ERC2: variants seen among roughly 807,000 people sequenced by gnomAD.
ERC2 encodes ELKS/RAB6-interacting/CAST family member 2.
Under a neutral mutation model 114.8 loss-of-function variants are expected in ERC2, and 42 were observed. The observed-to-expected ratio is 0.37, with a 90% confidence interval of 0.29 to 0.47. The LOEUF (loss-of-function observed/expected upper bound fraction) is 0.47, where lower values mean the gene tolerates loss of function less well. ERC2 is among the 20% of genes least tolerant of loss of function. ERC2 has a pLI of 0.99. For missense variants in ERC2, 939 were observed against 1,150.7 expected (o/e 0.82, Z 2.66); for synonymous variants, 454 against 425.5 (o/e 1.07, Z -0.82).
At chr3:56,085,683 T>A (rs2077465823) in intron 6 of ERC2, among the ~76,000 whole-genome samples, 1 of 152,190 alleles carries the variant, frequency 6.6e-6, no homozygotes, top group African/African-American at 2.4e-5. Context: ...TTATATCTGG[T>A]GAAAAAATAT....
At chr3:55,541,465 G>A (rs1238654404) in intron 17 of ERC2, among the ~76,000 whole-genome samples, 1 of 152,136 alleles carries the variant, frequency 6.6e-6, no homozygotes, top group African/African-American at 2.4e-5. Context: ...TGGTGGTAGG[G>A]TTGACTTTCC....
intron 3 of ERC2, among the ~76,000 whole-genome samples, chr3:56,274,378 G>A (rs1028913343): frequency 9.2e-5 from 14 of 152,100 alleles, no homozygotes; most frequent in African/African-American, 3.4e-4. Flanking sequence ...GGGAACTGCT[G>A]GGTTACAGGA....
chr3:55,979,776 C>CA (rs763879098), intron 12 of ERC2, among the ~76,000 whole-genome samples: 1,566 of 123,856 alleles, frequency 0.013, 12 homozygotes, highest in Middle Eastern at 0.017. Context: ...CCCACCTCTG[C>CA]AAAAAAAAAA....
intron 17 of ERC2, among the ~76,000 whole-genome samples, chr3:55,595,760 T>C (rs1559714411): frequency 1.3e-5 from 2 of 152,202 alleles, no homozygotes; most frequent in Non-Finnish European, 2.9e-5. Context: ...GAAGGGCAAC[T>C]AAAGAAACCA....
At chr3:55,537,109 T>C (rs537002487) in intron 17 of ERC2, among the ~76,000 whole-genome samples, 27 of 152,156 alleles carry the variant, frequency 1.8e-4, no homozygotes, top group Non-Finnish European at 2.6e-4. Context: ...CACCTTGGCG[T>C]CCTTTGCCAG....
intron 5 of ERC2, 136 bp downstream of exon 5, chr3:56,148,841 C>T (rs2081277983): frequency 5.3e-6 from 4 of 749,664 alleles, no homozygotes; most frequent in Non-Finnish European, 8.0e-6. Flanking sequence ...AAATCTTCCG[C>T]ATTCTACTTT....
chr3:55,632,829 GAAGA>G (rs1003755386), intron 17 of ERC2, among the ~76,000 whole-genome samples: 13 of 152,338 alleles, frequency 8.5e-5, no homozygotes, highest in African/African-American at 3.1e-4. Context: ...GGAGTGAAGA[GAAGA>G]AAGAAGAAAG....
intron 2 of ERC2, among the ~76,000 whole-genome samples, chr3:56,429,962 C>A (rs2061722626): frequency 6.6e-6 from 1 of 152,108 alleles, no homozygotes; most frequent in Non-Finnish European, 1.5e-5. Flanking sequence ...AACTGATGAG[C>A]AGGAGCCCTC....
rs536876589 is a variant in ERC2, at chr3:56,267,274, T to C, written c.1074+28745A>G. Among the ~76,000 whole-genome samples, 8 of 152,342 alleles carry C rather than the reference T, an allele frequency of 5.3e-5. No homozygotes were observed. In the East Asian group the frequency reaches 1.5e-3, roughly 29 times the overall value. ...GTATACACACACACACAGTGGAATA[T>C]TATTTTGCTTTTAATAAGGAGATCC... On this transcript the variant is annotated intron_variant, in intron 3 of 17. Coordinates refer to ENST00000288221, the MANE Select transcript of ERC2 (RefSeq NM_015576.3).
rs192183956 is a variant in ERC2 at position 56,197,106 on chromosome 3, G to A, written c.1075-23586C>T. On this transcript the variant is annotated intron_variant, in intron 3 of 17. Transcript: ENST00000288221. ...TGGCTTTGCACATGCCTGAGATACAGGCATGATCCTAAGAAATAGCAAAAT... is the reference window on the plus strand; with the variant it reads ...TGGCTTTGCACATGCCTGAGATACAAGCATGATCCTAAGAAATAGCAAAAT... 5.6e-4 allele frequency among the ~76,000 whole-genome samples: 85 copies of A among 152,272 alleles called. 2 individuals carry two copies. The highest frequency in any genetic ancestry group is 5.5e-3 in the Admixed American group (84 of 15,286).
chr3:55,591,344 A>G (rs9841705), intron 17 of ERC2, among the ~76,000 whole-genome samples: 71,771 of 151,792 alleles, frequency 0.47, 17,559 homozygotes, highest in Admixed American at 0.55. Context: ...GGGACCCAGC[A>G]CTGTGACTGG....
intron 3 of ERC2, among the ~76,000 whole-genome samples, chr3:56,192,889 G>T (rs1250948212): frequency 6.6e-6 from 1 of 152,122 alleles, no homozygotes; most frequent in African/African-American, 2.4e-5. Context: ...TTGACAATGG[G>T]TATCAGTTTT....
intron 10 of ERC2, among the ~76,000 whole-genome samples, chr3:55,998,812 T>G (rs2071803208): frequency 6.6e-6 from 1 of 152,182 alleles, no homozygotes; most frequent in South Asian, 2.1e-4. Flanking sequence ...TTTGTTATGT[T>G]TTTTGTAAAC....
intron 17 of ERC2, among the ~76,000 whole-genome samples, chr3:55,668,290 C>T (rs1001327955): frequency 2.6e-5 from 4 of 152,062 alleles, no homozygotes; most frequent in Non-Finnish European, 4.4e-5. Context: ...ACAAAGAACA[C>T]GGAATGTGAT....
intron 4 of ERC2, among the ~76,000 whole-genome samples, chr3:56,158,176 G>T (rs1335325493): frequency 2.6e-5 from 4 of 152,180 alleles, no homozygotes; most frequent in Non-Finnish European, 5.9e-5. Context: ...TTTTAAAGTA[G>T]GACAGTTAGT....
intron 14 of ERC2, among the ~76,000 whole-genome samples, chr3:55,788,940 C>T (rs1461837187): frequency 6.6e-6 from 1 of 152,188 alleles, no homozygotes; most frequent in Admixed American, 6.5e-5. Context: ...TCTTGTGTAG[C>T]TTCCCAGTCA....
intron 3 of ERC2, among the ~76,000 whole-genome samples, chr3:56,212,866 A>G (rs998603062): frequency 6.6e-6 from 1 of 152,158 alleles, no homozygotes; most frequent in African/African-American, 2.4e-5. Flanking sequence ...GAACAAAATA[A>G]TGGCATTTGC....
chr3:55,933,202 T>G (rs996536584), intron 13 of ERC2, among the ~76,000 whole-genome samples: 1 of 112,630 alleles, frequency 8.9e-6, no homozygotes, highest in Non-Finnish European at 2.1e-5. Context: ...GAGCAAGACT[T>G]TGTCTCAAAA....
At chr3:55,751,356 G>A (rs2066694596) in intron 14 of ERC2, among the ~76,000 whole-genome samples, 1 of 152,150 alleles carries the variant, frequency 6.6e-6, no homozygotes, top group African/African-American at 2.4e-5. Flanking sequence ...CCTTCTAGGG[G>A]TCTTCAGTGA....
Sources: gnomAD v4.1 joint callset for allele counts (sites outside exome capture counted in the v4.1 genomes callset) on GRCh38, gnomAD v4.1.1 for gene constraint, MANE v1.5 for transcripts, NCBI Gene and HGNC (gene_info 2026-07-23, HGNC 2026-07-21) for gene names.